The following WAPL variants were observed in gnomAD, a reference collection of about 807,000 sequenced individuals.
WAPL encodes the protein wings apart-like protein homolog.
In WAPL, 5 loss-of-function variants were observed where a neutral mutation model predicts 121.0. The observed-to-expected ratio is 0.04, with a 90% CI of 0.02 to 0.09. The LOEUF (loss-of-function observed/expected upper bound fraction) is 0.09. Ranked by LOEUF, WAPL falls within the 10% of genes least tolerant of loss-of-function variation. The probability of loss-of-function intolerance (pLI) is 1.00; values close to 1 mark genes in which losing one functional copy is unlikely to be tolerated. For missense variants in WAPL, 999 were observed against 1,410.8 expected (o/e 0.71, Z 4.68); for synonymous variants, 480 against 481.5 (o/e 1.00, Z 0.04).
intron 12 of WAPL, among the ~76,000 whole-genome samples, chr10:86,456,063 G>A (rs918997084): frequency 6.6e-6 from 1 of 152,158 alleles, no homozygotes; most frequent in Non-Finnish European, 1.5e-5. Flanking sequence ...AATCAATAAT[G>A]TAGAGTCTGA....
intron 8 of WAPL, among the ~76,000 whole-genome samples, 170 bp from the exon 9 acceptor site, chr10:86,467,676 A>AAT (rs1396238797): frequency 9.1e-5 from 13 of 143,562 alleles, no homozygotes; most frequent in African/African-American, 1.5e-4. Context: ...CCTCTAAAAA[A>AAT]TTTTTTTTTT....
intron 4 of WAPL, among the ~76,000 whole-genome samples, chr10:86,492,253 T>C (rs1842064411): frequency 6.6e-6 from 1 of 152,150 alleles, no homozygotes. Context: ...GAGATGAAGG[T>C]TCCTCTTTAC....
In WAPL at chr10:86,451,999, C is replaced by T. The variant is rs1320057760; in HGVS notation, c.3082G>A (p.Gly1028Arg). The T allele has an allele frequency of 6.2e-7, 1 of 1,613,942 alleles. No individual in the cohort carries two copies. Among genetic ancestry groups the T allele is most frequent in the African/African-American group, 1.3e-5 (1 of 74,886 alleles). The change falls in exon 15 of 19, where the codon GGA becomes AGA. Residue 1028 changes from glycine to arginine, a missense_variant. Physicochemically the swap from Gly to Arg is moderately radical, Grantham distance 125. Transcript: ENST00000298767. ...AAAGCCTGGACAGCATGAACTTGTC[C>T]ACCTATCCTTAAACTATCATCCCCT... ...GEGDDSLRIGGQVHAVQALVQ... is the reference protein window; with the variant it reads ...GEGDDSLRIGRQVHAVQALVQ...
chr10:86,489,671 A>C (rs1842002027), intron 4 of WAPL, among the ~76,000 whole-genome samples: 1 of 152,126 alleles, frequency 6.6e-6, no homozygotes, highest in African/African-American at 2.4e-5. Flanking sequence ...CCAGCCTCCA[A>C]ACCAAGAATT....
chr10:86,468,286 G>A lies in WAPL; in HGVS notation c.2143-780C>T, dbSNP rs919660042. Among the ~76,000 whole-genome samples, 3 of 151,946 alleles carry A rather than the reference G, an allele frequency of 2.0e-5. No homozygotes were observed. In the South Asian group the frequency reaches 6.3e-4, roughly 32 times the overall value. On this transcript the variant is annotated intron_variant, in intron 8 of 18. Coordinates refer to ENST00000298767, the MANE Select transcript of WAPL (RefSeq NM_015045.5). ...ATATCAGCTCACTGTAGCCTTGACC[G>A]TCTGGACTCAAGCAATCCTCCCCAC...
At chr10:86,451,086 T>G (rs992322684) in intron 15 of WAPL, among the ~76,000 whole-genome samples, 1 of 151,592 alleles carries the variant, frequency 6.6e-6, no homozygotes, top group African/African-American at 2.4e-5. Flanking sequence ...GAAGTGGATG[T>G]GATGGGCCTG....
rs780510661 is a variant in WAPL at position 86,472,385 on chromosome 10, C to G, written c.1894-41G>C. ...AAGTTCACCCCTTTTTAACTAGGAA[C>G]TAGCATATTTAAATCTATGGGCTCA... On this transcript the variant is annotated intron_variant, in intron 6 of 18. Transcript: ENST00000298767. The surrounding 1 kb of genome is among the most constrained non-coding windows in gnomAD (Gnocchi z 4.2). 2.5e-6 allele frequency: 4 copies of G among 1,575,956 alleles called. No homozygotes were observed. The highest frequency in any genetic ancestry group is 3.4e-6 in the Non-Finnish European group (4 of 1,169,520).
At chr10:86,442,869 C>G (rs117366710) in intron 17 of WAPL, among the ~76,000 whole-genome samples, 3 of 151,982 alleles carry the variant, frequency 2.0e-5, no homozygotes, top group Non-Finnish European at 4.4e-5. Context: ...GAATCCCCGT[C>G]TCTACCAAAA....
intron 4 of WAPL, 106 bp downstream of exon 4, chr10:86,497,095 A>G (rs546727098): frequency 2.9e-5 from 27 of 939,954 alleles, no homozygotes; most frequent in Non-Finnish European, 4.3e-5. Context: ...TATCCTTTGA[A>G]AGACAGTTGC....
chr10:86,442,281 C>G (rs1437395042), intron 17 of WAPL, among the ~76,000 whole-genome samples: 1 of 152,234 alleles, frequency 6.6e-6, no homozygotes, highest in Non-Finnish European at 1.5e-5. Flanking sequence ...ATCTGCCCAT[C>G]TCAGCCTCCC....
intron 2 of WAPL, among the ~76,000 whole-genome samples, chr10:86,507,313 A>G (rs1288739161): frequency 3.0e-5 from 4 of 135,210 alleles, no homozygotes; most frequent in Non-Finnish European, 6.1e-5. Flanking sequence ...GGTTGCAGTC[A>G]GCCAAGACTG....
At position 86,472,480 on chromosome 10, in the gene WAPL, T is replaced by C. The variant is rs780725637; in HGVS notation, c.1893+132A>G. ...AAAAATATTTTTAGAACAAGGATGA[T>C]GGTAGGACAAAAGAAGTTTGTGGTT... On this transcript the variant is annotated intron_variant, in intron 6 of 18. Coordinates refer to ENST00000298767, the MANE Select transcript of WAPL (RefSeq NM_015045.5). The surrounding 1 kb of genome is among the most constrained non-coding windows in gnomAD (Gnocchi z 4.2). 5.3e-6 allele frequency: 8 copies of C among 1,503,688 alleles called. No homozygotes were observed. Among genetic ancestry groups the C allele is most frequent in the Non-Finnish European group, 7.1e-6 (8 of 1,120,758 alleles). The allele number at this position is 1,503,688 out of a possible 1,614,324, so 93.1% of individuals were successfully genotyped here. A position where few individuals can be genotyped will look rare whatever the true frequency, so the allele number is the denominator to read the frequency against.
At chr10:86,497,697 G>A (rs1329703880) in intron 3 of WAPL, among the ~76,000 whole-genome samples, 4 of 152,124 alleles carry the variant, frequency 2.6e-5, no homozygotes, top group Admixed American at 6.6e-5. Flanking sequence ...AACATCATGC[G>A]TATCTACCTG....
chr10:86,518,829 T>A (rs1842611547), intron 1 of WAPL, among the ~76,000 whole-genome samples: 1 of 152,252 alleles, frequency 6.6e-6, no homozygotes, highest in Non-Finnish European at 1.5e-5. Context: ...TCTCATGTTT[T>A]ACAACCTGCA....
chr10:86,509,063 G>A (rs1275472447), intron 2 of WAPL, among the ~76,000 whole-genome samples: 2 of 152,138 alleles, frequency 1.3e-5, no homozygotes, highest in East Asian at 1.9e-4. Context: ...GTCCTTCACA[G>A]CACAGTCCTA....
rs114153770 is a variant in WAPL, at chr10:86,439,326, C to T, written c.3412-1311G>A. On this transcript the variant is annotated intron_variant, in intron 17 of 18. Transcript: ENST00000298767. The stretch of plus-strand genomic sequence containing the variant: ...TTACACACATTCAAACTGATCCTCC[C>T]ACCAAAAGCTATCACAGTGGTGGGC... Among the ~76,000 whole-genome samples the T allele has an allele frequency of 5.4e-3, 822 of 152,322 alleles. 7 individuals carry two copies. The highest frequency in any genetic ancestry group is 0.019 in the African/African-American group (784 of 41,570).
At chr10:86,463,338 G>A (rs1841331320) in intron 9 of WAPL, among the ~76,000 whole-genome samples, 1 of 152,218 alleles carries the variant, frequency 6.6e-6, no homozygotes, top group African/African-American at 2.4e-5. Flanking sequence ...GGTATTCCAA[G>A]ACAAGACATT....
At chr10:86,495,706 A>G (rs1317698708) in intron 4 of WAPL, among the ~76,000 whole-genome samples, 1 of 152,242 alleles carries the variant, frequency 6.6e-6, no homozygotes, top group Non-Finnish European at 1.5e-5. Flanking sequence ...TCAAAGGACA[A>G]TATCAATACA....
At chr10:86,510,010 C>G (rs539159550) in intron 2 of WAPL, among the ~76,000 whole-genome samples, 1 of 151,024 alleles carries the variant, frequency 6.6e-6, no homozygotes, top group East Asian at 1.9e-4. Flanking sequence ...GTGATCCGCC[C>G]GCCTCGGCCT....
Sources: allele counts gnomAD v4.1 joint callset (sites outside exome capture counted in the v4.1 genomes callset), GRCh38; gene constraint gnomAD v4.1.1; non-coding constraint Gnocchi (gnomAD v3.1); transcripts MANE v1.5; gene names NCBI Gene and HGNC (gene_info 2026-07-23, HGNC 2026-07-21).